AFAP1: variants seen among roughly 807,000 people sequenced by gnomAD.
AFAP1 encodes the protein actin filament-associated protein 1.
Under a neutral mutation model 93.9 loss-of-function variants are expected in AFAP1, and 75 were observed. The ratio of observed to expected loss-of-function variants is 0.80; its 90% confidence interval spans 0.66 to 0.97. AFAP1 has a LOEUF of 0.97. AFAP1 is among the 50% of genes least tolerant of loss of function. AFAP1 has a pLI of 0.00. For missense variants in AFAP1, 1,201 were observed against 1,050.8 expected (o/e 1.14, Z -1.98); for synonymous variants, 517 against 430.7 (o/e 1.20, Z -2.48).
chr4:7,840,289 CCTGGTTTGTTTTTGGGGTGTGTGTG>C (rs1560191661), intron 5 of AFAP1, among the ~76,000 whole-genome samples: 1 of 65,464 alleles, frequency 1.5e-5, no homozygotes, highest in Admixed American at 1.5e-4. Flanking sequence ...TGTGTGTGTT[CCTGGTTTGTTTTTGGGGTGTGTGTG>C]TGTGTGTGTG....
At chr4:7,874,260 T>C (rs541963958) in intron 1 of AFAP1, among the ~76,000 whole-genome samples, 1 of 152,280 alleles carries the variant, frequency 6.6e-6, no homozygotes, top group South Asian at 2.1e-4. Flanking sequence ...TTGTCAAGTT[T>C]TGGTGTAGTA....
At chr4:7,770,133 G>T (rs941571730) in intron 16 of AFAP1, among the ~76,000 whole-genome samples, 1 of 152,240 alleles carries the variant, frequency 6.6e-6, no homozygotes, top group Non-Finnish European at 1.5e-5. Flanking sequence ...CCTCAAAACA[G>T]AGGGGAAGTC....
chr4:7,872,065 A>G lies in AFAP1; in HGVS notation c.14T>C (p.Ile5Thr). The G allele has an allele frequency of 6.2e-7, 1 of 1,614,026 alleles. No individual in the cohort carries two copies. The highest frequency in any genetic ancestry group is 8.5e-7 in the Non-Finnish European group (1 of 1,180,006). The part of the protein sequence containing the change: MEEL[I>T]VELRLFLELL... ...TTCAAGAAAGAGACGAAGTTCAACT[A>G]TTAACTCTTCCATTGCTGACAACAA... The change falls in exon 2 of 18, where the codon ATA (isoleucine) becomes ACA (threonine). Residue 5 changes from isoleucine to threonine, a missense_variant. Transcript: ENST00000420658.
At chr4:7,935,848 C>T (rs1030157563) in intron 1 of AFAP1, among the ~76,000 whole-genome samples, 2 of 152,136 alleles carry the variant, frequency 1.3e-5, no homozygotes, top group East Asian at 3.9e-4. Context: ...TTCTCCATAC[C>T]CATGCATCCC....
intron 1 of AFAP1, among the ~76,000 whole-genome samples, chr4:7,890,005 A>T (rs892869287): frequency 7.9e-5 from 1 of 12,692 alleles, no homozygotes; most frequent in Non-Finnish European, 1.9e-4. Flanking sequence ...AATTTTTGTT[A>T]AAAAAAAAAA....
intron 1 of AFAP1, among the ~76,000 whole-genome samples, chr4:7,902,034 T>C (rs571377466): frequency 3.7e-4 from 57 of 152,316 alleles, no homozygotes; most frequent in African/African-American, 1.3e-3. Context: ...TGAAACACAA[T>C]AGAGAAGACA....
At chr4:7,788,665 A>T (rs1386148312) in intron 11 of AFAP1, 1 of 152,250 alleles carries the variant, frequency 6.6e-6, no homozygotes, top group African/African-American at 2.4e-5. Flanking sequence ...TTTTTAAAAA[A>T]TACATATTTA....
At chr4:7,898,532 T>A (rs1415217513) in intron 1 of AFAP1, among the ~76,000 whole-genome samples, 1 of 151,746 alleles carries the variant, frequency 6.6e-6, no homozygotes, top group East Asian at 1.9e-4. Flanking sequence ...AAAGAGAAAG[T>A]GCAAATGGGG....
rs190194984 is a variant in AFAP1, at chr4:7,821,009, T to C, written c.727-1838A>G. Among the ~76,000 whole-genome samples the C allele has an allele frequency of 3.5e-3, 537 of 152,186 alleles. 4 individuals are homozygous for C. The highest frequency in any genetic ancestry group is 0.012 in the African/African-American group (511 of 41,520). ...GGTACACGCCTGTAATCCCAGCAAC[T>C]CAGGAGGCTGAGGCAGAAGAATCTC... On this transcript the variant is annotated intron_variant, in intron 6 of 17. Transcript: ENST00000420658.
At chr4:7,902,778 T>C (rs1051976418) in intron 1 of AFAP1, among the ~76,000 whole-genome samples, 1 of 152,198 alleles carries the variant, frequency 6.6e-6, no homozygotes, top group African/African-American at 2.4e-5. Flanking sequence ...GACCAGGCAC[T>C]GGGAGGGGCA....
chr4:7,861,611 A>C (rs4605652), intron 3 of AFAP1, among the ~76,000 whole-genome samples: 119,186 of 152,208 alleles, frequency 0.78, 46,970 homozygotes, highest in East Asian at 0.97. Flanking sequence ...CCCTGTGGGG[A>C]CATGTCATCT....
At chr4:7,808,040 C>T (rs542009665) in intron 9 of AFAP1, among the ~76,000 whole-genome samples, 21 of 152,180 alleles carry the variant, frequency 1.4e-4, no homozygotes. Flanking sequence ...CAAAATAAAA[C>T]CCAACACCTT....
chr4:7,910,233 C>A (rs987276123), intron 1 of AFAP1, among the ~76,000 whole-genome samples: 1 of 152,028 alleles, frequency 6.6e-6, no homozygotes, highest in Non-Finnish European at 1.5e-5. Flanking sequence ...TAACAGGAGT[C>A]GAAACAGGGA....
At chr4:7,807,313 C>T (rs936961715) in intron 9 of AFAP1, among the ~76,000 whole-genome samples, 3 of 152,202 alleles carry the variant, frequency 2.0e-5, no homozygotes, top group Non-Finnish European at 2.9e-5. Context: ...TATTGTTAAT[C>T]GATAACTCTC....
intron 7 of AFAP1, among the ~76,000 whole-genome samples, chr4:7,816,915 A>C (rs1156547500): frequency 6.6e-6 from 1 of 152,194 alleles, no homozygotes; most frequent in Non-Finnish European, 1.5e-5. Context: ...AGTGCCACTT[A>C]GTGGGAAGCT....
At chr4:7,788,107 G>A (rs1717487307) in intron 11 of AFAP1, among the ~76,000 whole-genome samples, 1 of 152,234 alleles carries the variant, frequency 6.6e-6, no homozygotes, top group Non-Finnish European at 1.5e-5. Flanking sequence ...CACACACAGG[G>A]GTCCTCACGC....
intron 14 of AFAP1, 81 bp from the exon 15 acceptor site, chr4:7,774,984 A>C (rs754633435): frequency 1.4e-5 from 21 of 1,524,938 alleles, no homozygotes; most frequent in Non-Finnish European, 1.7e-5. Flanking sequence ...TCCACAAAAA[A>C]TACAAAATTA....
intron 3 of AFAP1, among the ~76,000 whole-genome samples, chr4:7,856,482 A>T (rs536234574): frequency 2.6e-5 from 4 of 152,070 alleles, no homozygotes; most frequent in African/African-American, 4.8e-5. Flanking sequence ...CCTCGTGATC[A>T]GCCCGCCTTG....
chr4:7,780,450 T>G (rs1716641470), intron 13 of AFAP1, among the ~76,000 whole-genome samples: 1 of 152,284 alleles, frequency 6.6e-6, no homozygotes, highest in African/African-American at 2.4e-5. Flanking sequence ...CATGCCCATT[T>G]GCTATATATT....
Sources: allele counts gnomAD v4.1 joint callset (sites outside exome capture counted in the v4.1 genomes callset), GRCh38; gene constraint gnomAD v4.1.1; transcripts MANE v1.5; gene names NCBI Gene and HGNC (gene_info 2026-07-23, HGNC 2026-07-21).